TIMM23: variants seen among roughly 807,000 people sequenced by gnomAD.
TIMM23 encodes the protein translocase of inner mitochondrial membrane 23.
Under a neutral mutation model 30.7 loss-of-function variants are expected in TIMM23, and 19 were observed. That is an observed-to-expected ratio of 0.62 (90% CI 0.43 to 0.91). The LOEUF is 0.91. Ranked by LOEUF, TIMM23 falls within the 40% of genes least tolerant of loss-of-function variation. TIMM23 has a pLI of 0.00. For synonymous variants in TIMM23, 78 were observed against 98.5 expected, an observed-to-expected ratio of 0.79 and a Z score of 1.23; for missense variants, 202 against 269.2, an observed-to-expected ratio of 0.75 and a Z score of 1.75.
At chr10:45,998,140 A>G (rs1838404293) in intron 6 of TIMM23, among the ~76,000 whole-genome samples, 2 of 152,316 alleles carry the variant, frequency 1.3e-5, no homozygotes, top group African/African-American at 2.4e-5. Flanking sequence ...AAATGGTTAT[A>G]TAAGTACCTA....
intron 6 of TIMM23, chr10:45,992,562 CTTTT>C (rs35656774): frequency 1.7e-5 from 7 of 405,798 alleles, no homozygotes; most frequent in Middle Eastern, 4.1e-4. Context: ...CTTTTTTTTC[CTTTT>C]TTTTTTTTTT....
chr10:45,994,831 A>G (rs1838281424), intron 6 of TIMM23, among the ~76,000 whole-genome samples: 1 of 152,168 alleles, frequency 6.6e-6, no homozygotes, highest in South Asian at 2.1e-4. Flanking sequence ...CCTAAATGTA[A>G]ACTTCTTCAG....
intron 6 of TIMM23, chr10:45,998,314 G>A: frequency 1.1e-6 from 1 of 926,366 alleles, no homozygotes; most frequent in Non-Finnish European, 1.3e-6. Context: ...AATATTCTGG[G>A]CCTCATTTTC....
chr10:46,000,501 T>C (rs782675677), intron 6 of TIMM23, among the ~76,000 whole-genome samples: 6 of 152,204 alleles, frequency 3.9e-5, no homozygotes, highest in Non-Finnish European at 7.3e-5. Context: ...ATTACAAGTG[T>C]GAGCCACCAC....
chr10:45,975,037 A>T (rs1359204985), intron 1 of TIMM23, among the ~76,000 whole-genome samples: 1 of 152,164 alleles, frequency 6.6e-6, no homozygotes, highest in Non-Finnish European at 1.5e-5. Context: ...ACATGTACAC[A>T]GTCAGAAAAC....
At position 46,003,355 on chromosome 10, in the gene TIMM23, AGTC is replaced by A; in HGVS notation, c.*38_*40del. On this transcript the variant is annotated 3_prime_UTR_variant, in exon 7 of 7. Transcript: ENST00000580018. ...ACTCATGAATGGAGGACACTTCAGTAGTCATCTAGATCCTTTTATAAGACAGTT... is the reference window on the plus strand; with the variant it reads ...ACTCATGAATGGAGGACACTTCAGTAATCTAGATCCTTTTATAAGACAGTT... 7.3e-7 allele frequency: 1 copy of A among 1,373,474 alleles called. No individual in the cohort carries two copies. Among genetic ancestry groups the A allele is most frequent in the Non-Finnish European group, 1.0e-6 (1 of 962,716 alleles). The allele number at this position is 1,373,474 out of a possible 1,614,324, so 85.1% of individuals were successfully genotyped here.
intron 6 of TIMM23, among the ~76,000 whole-genome samples, chr10:45,993,672 A>G (rs1302497483): frequency 9.9e-5 from 15 of 152,214 alleles, no homozygotes; most frequent in African/African-American, 3.4e-4. Flanking sequence ...ATGGAATGAA[A>G]TGAAGAGAAT....
chr10:45,998,943 T>C (rs1838431021), intron 6 of TIMM23, among the ~76,000 whole-genome samples: 1 of 151,784 alleles, frequency 6.6e-6, no homozygotes, highest in Non-Finnish European at 1.5e-5. Flanking sequence ...AGCAATTCTT[T>C]TGCTTCAGCC....
chr10:45,982,822 G>C lies in TIMM23; in HGVS notation c.260-24G>C. 4 of 1,613,768 alleles carry C rather than the reference G, an allele frequency of 2.5e-6. No individual in the cohort carries two copies. The South Asian group carries it at 4.4e-5, about 18-fold the overall frequency. On this transcript the variant is annotated intron_variant, in intron 3 of 6. Coordinates refer to ENST00000580018, the MANE Select transcript of TIMM23 (RefSeq NM_006327.4). Reference sequence around the variant, plus strand: ...TTTTAATATAAAGCTGTCTTTATCTGGGTGAATTGTTATGATTTACCAGGG... The same window carrying C: ...TTTTAATATAAAGCTGTCTTTATCTCGGTGAATTGTTATGATTTACCAGGG...
chr10:45,992,919 TCCAGATTCTACTCCTATTCC>T (rs1554916076), intron 6 of TIMM23, among the ~76,000 whole-genome samples: 1 of 152,086 alleles, frequency 6.6e-6, no homozygotes, highest in African/African-American at 2.4e-5. Context: ...CTTTGATGAC[TCCAGATTCTACTCCTATTCC>T]CATTGTCTTT....
intron 6 of TIMM23, among the ~76,000 whole-genome samples, chr10:45,993,281 C>G (rs1479565298): frequency 7.4e-6 from 1 of 134,456 alleles, no homozygotes; most frequent in African/African-American, 2.8e-5. Context: ...GTTTCACTCT[C>G]GTTGGCCAGA....
chr10:45,990,116 A>ATTTTTTTTTTTTTTTTTTTTTTTTTT (rs782791725), intron 6 of TIMM23, among the ~76,000 whole-genome samples: 1 of 135,824 alleles, frequency 7.4e-6, no homozygotes, highest in Non-Finnish European at 1.6e-5. Flanking sequence ...GCAACTTTTA[A>ATTTTTTTTTTTTTTTTTTTTTTTTTT]TTTTTTTTTT....
chr10:45,987,267 A>G (rs1259495384), intron 5 of TIMM23, among the ~76,000 whole-genome samples: 104 of 151,920 alleles, frequency 6.8e-4, no homozygotes, highest in Admixed American at 1.9e-3. Context: ...CTGCTCTCAC[A>G]CTACAACAGT....
rs782171788 is a variant in TIMM23 at position 45,972,605 on chromosome 10, A to C, written c.-20A>C. 6.2e-7 allele frequency: 1 copy of C among 1,604,000 alleles called. No individual in the cohort carries two copies. The highest frequency in any genetic ancestry group is 1.1e-5 in the South Asian group (1 of 90,682). On this transcript the variant is annotated 5_prime_UTR_variant, in exon 1 of 7. Coordinates refer to ENST00000580018, the MANE Select transcript of TIMM23 (RefSeq NM_006327.4). ...CAGGCTTGAGGCAGCGGCGGGAACCACTCGGTTTGCTGCGATACCATGGAA... is the reference window on the plus strand; with the variant it reads ...CAGGCTTGAGGCAGCGGCGGGAACCCCTCGGTTTGCTGCGATACCATGGAA...
intron 5 of TIMM23, among the ~76,000 whole-genome samples, chr10:45,985,900 T>A (rs1358842222): frequency 6.6e-6 from 1 of 152,258 alleles, no homozygotes; most frequent in Non-Finnish European, 1.5e-5. Context: ...ACAATTGGAA[T>A]AGGTTCCTTG....
intron 5 of TIMM23, among the ~76,000 whole-genome samples, chr10:45,986,465 C>T (rs1208752003): frequency 3.3e-5 from 5 of 150,538 alleles, no homozygotes; most frequent in African/African-American, 1.2e-4. Context: ...GCTGGTCACC[C>T]TCTGTGTACC....
intron 6 of TIMM23, among the ~76,000 whole-genome samples, chr10:46,001,573 A>G (rs1838538901): frequency 6.6e-6 from 1 of 152,124 alleles, no homozygotes; most frequent in African/African-American, 2.4e-5. Context: ...GAAATGTTGT[A>G]ACTCAGCAAC....
intron 5 of TIMM23, among the ~76,000 whole-genome samples, 188 bp downstream of exon 5, chr10:45,985,629 A>G (rs75793755): frequency 3.3e-5 from 5 of 152,220 alleles, no homozygotes; most frequent in African/African-American, 1.2e-4. Flanking sequence ...CTCAGGTGCT[A>G]ATACCGTTCT....
At chr10:45,980,788 C>T (rs1422710378) in intron 2 of TIMM23, among the ~76,000 whole-genome samples, 3 of 152,144 alleles carry the variant, frequency 2.0e-5, no homozygotes, top group African/African-American at 4.8e-5. Flanking sequence ...ACTTTGATAA[C>T]AACCTTGTTT....
Sources: gnomAD v4.1 joint callset for allele counts (sites outside exome capture counted in the v4.1 genomes callset) on GRCh38, gnomAD v4.1.1 for gene constraint, MANE v1.5 for transcripts, NCBI Gene and HGNC (gene_info 2026-07-23, HGNC 2026-07-21) for gene names.